Variants in KCNK3 observed in about 807,000 individuals in gnomAD.
KCNK3 encodes the protein potassium two pore domain channel subfamily K member 3.
In KCNK3, 9 loss-of-function variants were observed where a neutral mutation model predicts 27.3. The ratio of observed to expected loss-of-function variants is 0.33; its 90% CI spans 0.20 to 0.57. The LOEUF (loss-of-function observed/expected upper bound fraction) is 0.57, where lower values mean the gene tolerates loss of function less well. Among genes scored for constraint, KCNK3 ranks in the 20% least tolerant of loss-of-function variants. The pLI is 0.87. For synonymous variants in KCNK3, 278 were observed against 273.8 expected, an observed-to-expected ratio of 1.02 and a Z score of -0.15; for missense variants, 391 against 577.7, an observed-to-expected ratio of 0.68 and a Z score of 3.31.
Position 26,693,544 on chromosome 2 carries a change from T to C in KCNK3, c.283+386T>C, listed in dbSNP as rs1670198224. On this transcript the variant is annotated intron_variant, in intron 1 of 1. Coordinates refer to ENST00000302909, the MANE Select transcript of KCNK3 (RefSeq NM_002246.3). The surrounding 1 kb of genome is among the most constrained non-coding windows in gnomAD (Gnocchi z 5.5). ...GCGGCGGGAGAGCGCCAGTGCTCCG[T>C]ATCCCTGAGGATCGGCTTCCACAGC... 6.6e-6 allele frequency among the ~76,000 whole-genome samples: 1 copy of C among 152,208 alleles called. No individual in the cohort carries two copies. The highest frequency in any genetic ancestry group is 2.4e-5 in the African/African-American group (1 of 41,460).
chr2:26,699,124 G>A (rs1368305628), intron 1 of KCNK3, among the ~76,000 whole-genome samples: 1 of 150,092 alleles, frequency 6.7e-6, no homozygotes, highest in Non-Finnish European at 1.5e-5. Flanking sequence ...GTTGCAGTGA[G>A]CCAAGATCGC....
chr2:26,693,220 C>T lies in KCNK3; in HGVS notation c.283+62C>T. 7.8e-7 allele frequency: 1 copy of T among 1,279,590 alleles called. No homozygotes were observed. The highest frequency in any genetic ancestry group is 1.0e-6 in the Non-Finnish European group (1 of 971,788). 79.3% of individuals were successfully genotyped at this position (1,279,590 alleles called of 1,614,324 possible). A position where few individuals can be genotyped will look rare whatever the true frequency, so the allele number is the denominator to read the frequency against. On this transcript the variant is annotated intron_variant, in intron 1 of 1. Coordinates refer to ENST00000302909, the MANE Select transcript of KCNK3 (RefSeq NM_002246.3). The surrounding 1 kb of genome is among the most constrained non-coding windows in gnomAD (Gnocchi z 5.5). Reference sequence around the variant, plus strand: ...CTGGGCGCGGGGCTCCGGGAGTCGTCCGGGGCCGGCTGGGGCTGGGGGCGG... The same window carrying T: ...CTGGGCGCGGGGCTCCGGGAGTCGTTCGGGGCCGGCTGGGGCTGGGGGCGG...
chr2:26,707,036 C>T (rs557355580), intron 1 of KCNK3, among the ~76,000 whole-genome samples: 5 of 152,294 alleles, frequency 3.3e-5, no homozygotes, highest in East Asian at 1.9e-4. Context: ...CTTTTGTCCC[C>T]GCTTCACCCC....
At chr2:26,709,635 G>A (rs1558598515) in intron 1 of KCNK3, among the ~76,000 whole-genome samples, 1 of 152,192 alleles carries the variant, frequency 6.6e-6, no homozygotes, top group Admixed American at 6.5e-5. Context: ...GAGTCGGCCT[G>A]AGGTGGAACA....
In KCNK3 at chr2:26,727,932, C is replaced by T. The variant is rs775296983; in HGVS notation, c.549C>T (p.His183=). The change falls in exon 2 of 2, where the codon CAC becomes CAT. Residue 183 remains histidine (H), a synonymous_variant. Coordinates refer to ENST00000302909, the MANE Select transcript of KCNK3 (RefSeq NM_002246.3). ...IGAAAFSHYE[H]WTFFQAYYYC... is the part of the protein sequence containing the mutation. Reference sequence around the variant, plus strand: ...CCGCCGCCTTCTCCCACTACGAGCACTGGACCTTCTTCCAGGCCTACTACT... The same window carrying T: ...CCGCCGCCTTCTCCCACTACGAGCATTGGACCTTCTTCCAGGCCTACTACT... The T allele has an allele frequency of 1.2e-6, 2 of 1,614,256 alleles. No homozygotes were observed. Among genetic ancestry groups the T allele is most frequent in the East Asian group, 2.2e-5 (1 of 44,886 alleles).
intron 1 of KCNK3, among the ~76,000 whole-genome samples, chr2:26,703,632 C>T (rs748946005): frequency 6.6e-6 from 1 of 152,122 alleles, no homozygotes. Flanking sequence ...TGAGATGTCC[C>T]GAAATCTCCT....
At chr2:26,710,813 C>T (rs1663097901) in intron 1 of KCNK3, among the ~76,000 whole-genome samples, 1 of 152,208 alleles carries the variant, frequency 6.6e-6, no homozygotes, top group African/African-American at 2.4e-5. Context: ...ACCCAACACC[C>T]AGACACCACG....
chr2:26,703,026 G>A (rs998082539), intron 1 of KCNK3, among the ~76,000 whole-genome samples: 1 of 152,158 alleles, frequency 6.6e-6, no homozygotes, highest in African/African-American at 2.4e-5. Flanking sequence ...TGAGGCAGGA[G>A]AATTGCTTGA....
In KCNK3 at chr2:26,729,268, T is replaced by TC. The variant is rs1472128932; in HGVS notation, c.*702dup. ...CACTGGAGGTTCAAGCTAACTGGCC[T>TC]CCAGCCACATTCTCATAGCAGGTAG... On this transcript the variant is annotated 3_prime_UTR_variant, in exon 2 of 2. Transcript: ENST00000302909. 6.6e-6 allele frequency: 1 copy of TC among 152,294 alleles called. No homozygotes were observed. Among genetic ancestry groups the TC allele is most frequent in the Non-Finnish European group, 1.5e-5 (1 of 68,060 alleles). 9.4% of individuals were successfully genotyped at this position (152,294 alleles called of 1,614,324 possible). A position where few individuals can be genotyped will look rare whatever the true frequency, so the allele number is the denominator to read the frequency against.
chr2:26,709,616 G>A (rs1377280818), intron 1 of KCNK3, among the ~76,000 whole-genome samples: 1 of 152,168 alleles, frequency 6.6e-6, no homozygotes, highest in Non-Finnish European at 1.5e-5. Flanking sequence ...GGGAAGGGGA[G>A]GGTGGTGGGA....
intron 1 of KCNK3, among the ~76,000 whole-genome samples, chr2:26,723,672 T>C (rs1294680317): frequency 6.6e-6 from 1 of 152,236 alleles, no homozygotes; most frequent in East Asian, 1.9e-4. Flanking sequence ...TTGCTTTCCC[T>C]CTCTGGGCCT....
chr2:26,694,425 A>G (rs1670209560), intron 1 of KCNK3, among the ~76,000 whole-genome samples: 1 of 152,120 alleles, frequency 6.6e-6, no homozygotes, highest in Non-Finnish European at 1.5e-5. Flanking sequence ...TTTTCCTGGG[A>G]GTCAACAGGA....
chr2:26,727,700 G>T lies in KCNK3; in HGVS notation c.317G>T (p.Gly106Val). 6.5e-7 allele frequency: 1 copy of T among 1,531,830 alleles called. No homozygotes were observed. The highest frequency in any genetic ancestry group is 8.8e-7 in the Non-Finnish European group (1 of 1,137,722). The allele number at this position is 1,531,830 out of a possible 1,614,324, so 94.9% of individuals were successfully genotyped here. Residue 106 changes from glycine to valine, a missense_variant, in exon 2 of 2, where the codon GGC (glycine) becomes GTC (valine). Transcript: ENST00000302909. ...YGHAAPSTDG[G>V]KVFCMFYALL... ...CACGCGGCACCCAGCACGGATGGCG[G>T]CAAGGTGTTCTGCATGTTCTACGCG... is the stretch of plus-strand genomic sequence containing the variant.
rs1325813019 is a variant in KCNK3 at position 26,693,374 on chromosome 2, G to A, written c.283+216G>A. Reference sequence around the variant, plus strand: ...TTCCTGGCTCCGGACCTGACTCTCCGGCCGGGCCAGCCCTAACTTGGCCCT... The same window carrying A: ...TTCCTGGCTCCGGACCTGACTCTCCAGCCGGGCCAGCCCTAACTTGGCCCT... On this transcript the variant is annotated intron_variant, in intron 1 of 1. Coordinates refer to ENST00000302909, the MANE Select transcript of KCNK3 (RefSeq NM_002246.3). This position sits in a 1 kb window ranked among gnomAD's most constrained non-coding sequence, Gnocchi z 5.5. 6.6e-6 allele frequency among the ~76,000 whole-genome samples: 1 copy of A among 152,210 alleles called. No homozygotes were observed. Among genetic ancestry groups the A allele is most frequent in the African/African-American group, 2.4e-5 (1 of 41,472 alleles).
rs1463144847 is a variant in KCNK3, at chr2:26,728,872, A to T, written c.*304A>T. 1 of 324,752 alleles carries T rather than the reference A, an allele frequency of 3.1e-6. No homozygotes were observed. Among genetic ancestry groups the T allele is most frequent in the Admixed American group, 4.8e-5 (1 of 20,882 alleles). The allele number at this position is 324,752 out of a possible 1,614,324, so 20.1% of individuals were successfully genotyped here. On this transcript the variant is annotated 3_prime_UTR_variant, in exon 2 of 2. Transcript: ENST00000302909. ...CCCTTTGAAAATCTAAGAAGCTCCC[A>T]GTCCTCAGAGACCCTGCTGGTACCC...
Position 26,728,200 on chromosome 2 carries a change from G to A in KCNK3, c.817G>A (p.Gly273Ser), listed in dbSNP as rs760706655. Residue 273 changes from glycine (G) to serine (S), a missense_variant, in exon 2 of 2, where the codon GGC (glycine) becomes AGC (serine). Gly to Ser is a moderately conservative substitution (Grantham distance 56). Transcript: ENST00000302909. ...LLTRNGQAGG[G>S]GGGGSAHTTD... ...CACGCGCAACGGGCAGGCGGGCGGC[G>A]GCGGAGGGGGTGGCAGCGCGCACAC... 4 of 1,562,476 alleles carry A rather than the reference G, an allele frequency of 2.6e-6. No individual in the cohort carries two copies. The highest frequency in any genetic ancestry group is 2.7e-5 in the African/African-American group (2 of 73,520).
intron 1 of KCNK3, among the ~76,000 whole-genome samples, chr2:26,726,104 CACAGAGAGAG>C (rs1338764556): frequency 4.0e-3 from 320 of 80,508 alleles, no homozygotes; most frequent in East Asian, 0.029. Context: ...CACACACACA[CACAGAGAGAG>C]AGAGAGAGAG....
chr2:26,708,294 G>T (rs1379453928), intron 1 of KCNK3, among the ~76,000 whole-genome samples: 1 of 152,162 alleles, frequency 6.6e-6, no homozygotes, highest in Non-Finnish European at 1.5e-5. Context: ...GAGCAGTGTG[G>T]CTGTGGCATG....
intron 1 of KCNK3, among the ~76,000 whole-genome samples, 195 bp from the exon 2 acceptor site, chr2:26,727,472 G>A (rs905124098): frequency 6.6e-6 from 1 of 152,178 alleles, no homozygotes; most frequent in Non-Finnish European, 1.5e-5. Context: ...CATACCTTCT[G>A]CAGGTGTCAC....
Sources: gnomAD v4.1 joint callset for allele counts (sites outside exome capture counted in the v4.1 genomes callset) on GRCh38, gnomAD v4.1.1 for gene constraint, Gnocchi (gnomAD v3.1) non-coding constraint, MANE v1.5 for transcripts, NCBI Gene and HGNC (gene_info 2026-07-23, HGNC 2026-07-21) for gene names.